The following KCNJ12 variants were observed in gnomAD, a reference collection of about 807,000 sequenced individuals.
KCNJ12 encodes potassium inwardly rectifying channel subfamily J member 12.
KCNJ12 carries 2 observed loss-of-function variants against 22.3 expected under a neutral mutation model. The observed-to-expected ratio is 0.09, with a 90% CI of 0.04 to 0.28. KCNJ12 has a LOEUF of 0.28. Ranked by LOEUF, KCNJ12 falls within the 10% of genes least tolerant of loss-of-function variation. The pLI, the probability that KCNJ12 is intolerant of heterozygous loss-of-function variation, is 1.00. For missense variants in KCNJ12, 155 were observed against 633.3 expected (o/e 0.24, Z 8.11); for synonymous variants, 117 against 261.4 (o/e 0.45, Z 5.33).
At chr17:21,406,122 C>G (rs1249196899) in intron 1 of KCNJ12, among the ~76,000 whole-genome samples, 10 of 152,308 alleles carry the variant, frequency 6.6e-5, no homozygotes, top group African/African-American at 2.2e-4. Flanking sequence ...GTGGCAATAT[C>G]CGACCTTCGC....
At chr17:21,388,816 T>A (rs1905137671) in intron 1 of KCNJ12, among the ~76,000 whole-genome samples, 1 of 152,174 alleles carries the variant, frequency 6.6e-6, no homozygotes, top group Non-Finnish European at 1.5e-5. Flanking sequence ...CAAGCCAGAT[T>A]TGAACCCCAA....
At chr17:21,414,021 C>T (rs1390046109) in intron 2 of KCNJ12, among the ~76,000 whole-genome samples, 5 of 152,426 alleles carry the variant, frequency 3.3e-5, no homozygotes, top group African/African-American at 9.6e-5. Context: ...AGATCTTACC[C>T]TCTTTGGCAC....
intron 1 of KCNJ12, among the ~76,000 whole-genome samples, chr17:21,382,226 A>G (rs1316072396): frequency 6.6e-6 from 1 of 152,230 alleles, no homozygotes; most frequent in African/African-American, 2.4e-5. Context: ...GCTTCAGCTC[A>G]GGATGTCCCC....
intron 1 of KCNJ12, among the ~76,000 whole-genome samples, chr17:21,387,970 G>A (rs1371227786): frequency 2.6e-5 from 4 of 152,192 alleles, no homozygotes; most frequent in African/African-American, 7.2e-5. Flanking sequence ...TGTGCACTGG[G>A]TCCCTTCCTT....
intron 1 of KCNJ12, among the ~76,000 whole-genome samples, chr17:21,379,123 A>G (rs1216380822): frequency 6.6e-6 from 1 of 152,190 alleles, no homozygotes; most frequent in Non-Finnish European, 1.5e-5. Context: ...ACAGCAAAAT[A>G]ATAATGACAG....
intron 1 of KCNJ12, among the ~76,000 whole-genome samples, chr17:21,378,973 G>A (rs1228965929): frequency 6.6e-6 from 1 of 152,182 alleles, no homozygotes; most frequent in African/African-American, 2.4e-5. Context: ...CCATGCAGTG[G>A]GTTGGGTTTG....
chr17:21,399,165 C>G (rs1013889235), intron 1 of KCNJ12, among the ~76,000 whole-genome samples: 2 of 152,214 alleles, frequency 1.3e-5, no homozygotes, highest in Non-Finnish European at 1.5e-5. Context: ...TGCCGTCCCC[C>G]ATGCCTGCTT....
chr17:21,395,263 C>A (rs575120077), intron 1 of KCNJ12, among the ~76,000 whole-genome samples: 15 of 147,862 alleles, frequency 1.0e-4, no homozygotes, highest in South Asian at 2.2e-4. Context: ...CCACTGCACT[C>A]CAGCCTAGGC....
chr17:21,398,183 A>G (rs1438421221), intron 1 of KCNJ12, among the ~76,000 whole-genome samples: 1 of 152,098 alleles, frequency 6.6e-6, no homozygotes, highest in Admixed American at 6.5e-5. Context: ...CGATAGCCCC[A>G]CACAAATGTG....
chr17:21,397,039 T>A (rs1400463997), intron 1 of KCNJ12, among the ~76,000 whole-genome samples: 1 of 152,214 alleles, frequency 6.6e-6, no homozygotes, highest in African/African-American at 2.4e-5. Context: ...GGCCTCAGTT[T>A]CCTCATATGT....
intron 1 of KCNJ12, among the ~76,000 whole-genome samples, chr17:21,390,703 G>A (rs1555559212): frequency 1.3e-5 from 2 of 152,216 alleles, no homozygotes; most frequent in African/African-American, 4.8e-5. Context: ...CTGAGCTGCT[G>A]GGAGGAGTTG....
chr17:21,390,033 G>A (rs1301862090), intron 1 of KCNJ12, among the ~76,000 whole-genome samples: 2 of 152,152 alleles, frequency 1.3e-5, no homozygotes, highest in South Asian at 4.1e-4. Context: ...TCTTTCTCGG[G>A]CCCAGCTCCC....
intron 1 of KCNJ12, among the ~76,000 whole-genome samples, chr17:21,396,946 T>G (rs1231846965): frequency 6.6e-6 from 1 of 152,106 alleles, no homozygotes. Context: ...AGGGCACAGA[T>G]TGGAGCACAC....
chr17:21,387,032 T>C (rs577097117), intron 1 of KCNJ12, among the ~76,000 whole-genome samples: 1 of 152,202 alleles, frequency 6.6e-6, no homozygotes, highest in East Asian at 1.9e-4. Context: ...GTGCTCTCCC[T>C]GTAGTCCCAG....
intron 1 of KCNJ12, among the ~76,000 whole-genome samples, chr17:21,403,051 G>T (rs1275836271): frequency 6.6e-6 from 1 of 152,308 alleles, no homozygotes; most frequent in Admixed American, 6.5e-5. Context: ...AGGGGCTCAA[G>T]AAACATGCTA....
chr17:21,404,686 A>G lies in KCNJ12; in HGVS notation c.-178-3833A>G, dbSNP rs531679804. On this transcript the variant is annotated intron_variant, in intron 1 of 2. Coordinates refer to ENST00000583088, the MANE Select transcript of KCNJ12 (RefSeq NM_021012.5). ...GGGCAGTGTCTGCGATGGCCACCCC[A>G]GCAGAGGGCACTACTGTAGGGCCTC... Among the ~76,000 whole-genome samples the G allele has an allele frequency of 1.7e-3, 254 of 152,350 alleles. No homozygotes were observed. In the Middle Eastern group the frequency reaches 0.017, roughly 10 times the overall value.
chr17:21,381,201 T>G (rs782546255), intron 1 of KCNJ12, among the ~76,000 whole-genome samples: 1 of 152,058 alleles, frequency 6.6e-6, no homozygotes, highest in Non-Finnish European at 1.5e-5. Flanking sequence ...GAGCCCTCCC[T>G]CCTGCTTGGG....
intron 1 of KCNJ12, among the ~76,000 whole-genome samples, chr17:21,406,921 CT>C (rs1289380086): frequency 6.4e-4 from 98 of 152,356 alleles, no homozygotes; most frequent in African/African-American, 2.3e-3. Flanking sequence ...AACCTCTTCT[CT>C]GATTCTCACG....
At chr17:21,414,013 ATCT>A (rs1906533416) in intron 2 of KCNJ12, among the ~76,000 whole-genome samples, 1 of 152,306 alleles carries the variant, frequency 6.6e-6, no homozygotes, top group Admixed American at 6.5e-5. Flanking sequence ...TGGGTGCCAG[ATCT>A]TACCCTCTTT....
Sources: allele counts gnomAD v4.1 joint callset (sites outside exome capture counted in the v4.1 genomes callset), GRCh38; gene constraint gnomAD v4.1.1; transcripts MANE v1.5; gene names NCBI Gene and HGNC (gene_info 2026-07-23, HGNC 2026-07-21).